Variants in PLAAT4 observed in about 807,000 individuals in gnomAD.
PLAAT4 encodes phospholipase A and acyltransferase 4.
PLAAT4 carries 12 observed loss-of-function variants against 14.1 expected under a neutral mutation model. That is an observed-to-expected ratio of 0.85 (90% CI 0.54 to 1.37). The LOEUF is 1.37. PLAAT4 is among the 40% of genes most tolerant of loss of function. The pLI is 0.00. For missense variants in PLAAT4, 163 were observed against 211.7 expected (o/e 0.77, Z 1.43); for synonymous variants, 77 against 79.8 (o/e 0.96, Z 0.19).
Position 63,545,011 on chromosome 11 carries a change from T to A in PLAAT4, c.387+122T>A, listed in dbSNP as rs969242570. ...CTCTTAGAGACCTGCTGGCTGAGAG[T>A]CAGGACCTCTGAGCTCCAATGCCAG... On this transcript the variant is annotated intron_variant, in intron 3 of 3. Coordinates refer to ENST00000255688, the MANE Select transcript of PLAAT4 (RefSeq NM_004585.5). 2.9e-6 allele frequency: 4 copies of A among 1,387,820 alleles called. No individual in the cohort carries two copies. In the African/African-American group the frequency reaches 5.7e-5, roughly 20 times the overall value. The allele number at this position is 1,387,820 out of a possible 1,614,324, so 86.0% of individuals were successfully genotyped here.
At chr11:63,544,179 C>T (rs1460604376) in intron 2 of PLAAT4, among the ~76,000 whole-genome samples, 3 of 152,042 alleles carry the variant, frequency 2.0e-5, no homozygotes, top group African/African-American at 7.3e-5. Flanking sequence ...AAAATTTTTC[C>T]AATACCTAAA....
Position 63,544,904 on chromosome 11 carries a change from G to T in PLAAT4, c.387+15G>T. The T allele has an allele frequency of 1.2e-6, 2 of 1,614,198 alleles. No homozygotes were observed. Among genetic ancestry groups the T allele is most frequent in the Non-Finnish European group, 1.7e-6 (2 of 1,180,036 alleles). ...GCTGTAAACAGGTAAGGACCTCTCTGGATAATCCATCTCCCTCTGCTTGGG... is the reference window on the plus strand; with the variant it reads ...GCTGTAAACAGGTAAGGACCTCTCTTGATAATCCATCTCCCTCTGCTTGGG... On this transcript the variant is annotated intron_variant, in intron 3 of 3. Transcript: ENST00000255688.
chr11:63,541,426 G>A (rs767469969), intron 2 of PLAAT4, among the ~76,000 whole-genome samples: 25 of 151,948 alleles, frequency 1.6e-4, no homozygotes, highest in Non-Finnish European at 2.8e-4. Flanking sequence ...TCCTGACCTC[G>A]TGATCCACCA....
At chr11:63,540,826 A>G (rs1263029547) in intron 2 of PLAAT4, among the ~76,000 whole-genome samples, 3 of 152,182 alleles carry the variant, frequency 2.0e-5, no homozygotes, top group Admixed American at 6.5e-5. Context: ...AGAGGAAGAC[A>G]TTGTCTCAAA....
chr11:63,537,995 G>A (rs966052769), intron 1 of PLAAT4, among the ~76,000 whole-genome samples: 6 of 152,206 alleles, frequency 3.9e-5, no homozygotes, highest in African/African-American at 1.2e-4. Flanking sequence ...GTGGGGTGGC[G>A]GGTCAGCTGA....
At chr11:63,541,715 A>T (rs1310532729) in intron 2 of PLAAT4, among the ~76,000 whole-genome samples, 1 of 151,990 alleles carries the variant, frequency 6.6e-6, no homozygotes, top group African/African-American at 2.4e-5. Flanking sequence ...AATTGATCTA[A>T]AACTGTTTCC....
At chr11:63,541,156 A>G (rs1421422966) in intron 2 of PLAAT4, among the ~76,000 whole-genome samples, 1 of 151,282 alleles carries the variant, frequency 6.6e-6, no homozygotes, top group Non-Finnish European at 1.5e-5. Flanking sequence ...ATGAAGACAC[A>G]TGGTCCTTTT....
intron 2 of PLAAT4, among the ~76,000 whole-genome samples, chr11:63,543,495 A>G (rs2017337782): frequency 6.6e-6 from 1 of 152,172 alleles, no homozygotes; most frequent in African/African-American, 2.4e-5. Context: ...TTGTAGAGAC[A>G]GGTCTCGCCA....
At chr11:63,546,092 G>A (rs2017362907) in intron 3 of PLAAT4, 57 bp from the exon 4 acceptor site, 1 of 1,437,562 alleles carries the variant, frequency 7.0e-7, no homozygotes, top group Non-Finnish European at 9.8e-7. Flanking sequence ...CCTTGGGAGG[G>A]AGAAAGTGCC....
At chr11:63,545,130 G>T in intron 3 of PLAAT4, 1 of 613,330 alleles carries the variant, frequency 1.6e-6, no homozygotes, top group Non-Finnish European at 2.9e-6. Flanking sequence ...GAGCTCTGAG[G>T]ATCCTTCCCC....
At chr11:63,543,594 T>C (rs934441546) in intron 2 of PLAAT4, among the ~76,000 whole-genome samples, 3 of 152,238 alleles carry the variant, frequency 2.0e-5, no homozygotes, top group Non-Finnish European at 2.9e-5. Flanking sequence ...CATGAGCCAC[T>C]GCGCCCAGCC....
chr11:63,539,570 G>A lies in PLAAT4; in HGVS notation c.64G>A (p.Glu22Lys), dbSNP rs376604632. The A allele has an allele frequency of 4.3e-6, 7 of 1,613,976 alleles. No homozygotes were observed. The African/African-American group carries it at 8.0e-5, about 18-fold the overall frequency. Residue 22 changes from glutamate to lysine, a missense_variant, in exon 2 of 4, where the codon GAG (glutamate) becomes AAG (lysine). Transcript: ENST00000255688. ...GATTGAGATTTTCCGCCTTGGCTATGAGCACTGGGCCCTGTATATAGGAGA... is the reference window on the plus strand; with the variant it reads ...GATTGAGATTTTCCGCCTTGGCTATAAGCACTGGGCCCTGTATATAGGAGA... ...DLIEIFRLGY[E>K]HWALYIGDGY...
At chr11:63,537,502 C>A (rs1049191711) in intron 1 of PLAAT4, among the ~76,000 whole-genome samples, 2 of 152,128 alleles carry the variant, frequency 1.3e-5, no homozygotes, top group South Asian at 4.2e-4. Flanking sequence ...GGGAAGGAGT[C>A]CTGCAAATTC....
At chr11:63,538,381 G>T (rs1240804444) in intron 1 of PLAAT4, 3 of 384,202 alleles carry the variant, frequency 7.8e-6, no homozygotes, top group South Asian at 5.6e-5. Flanking sequence ...GGTTGTGGGG[G>T]TCACAGAGGC....
chr11:63,546,423 G>T lies in PLAAT4; in HGVS notation c.*167G>T, dbSNP rs1042650201. On this transcript the variant is annotated 3_prime_UTR_variant, in exon 4 of 4. Transcript: ENST00000255688. The stretch of plus-strand genomic sequence containing the variant: ...CAAAAGTATGATCTAATTGAAACAA[G>T]ACTGAAGGATCAATAAACAGCCATC... The T allele has an allele frequency of 4.8e-6, 3 of 622,712 alleles. No homozygotes were observed. Among genetic ancestry groups the T allele is most frequent in the Non-Finnish European group, 8.5e-6 (3 of 354,000 alleles). 38.6% of individuals were successfully genotyped at this position (622,712 alleles called of 1,614,324 possible). A position where few individuals can be genotyped will look rare whatever the true frequency, so the allele number is the denominator to read the frequency against.
At chr11:63,539,457 C>A in intron 1 of PLAAT4, 59 bp from the exon 2 acceptor site, 1 of 1,402,054 alleles carries the variant, frequency 7.1e-7, no homozygotes, top group Non-Finnish European at 1.0e-6. Flanking sequence ...CTCCCCCAGC[C>A]AGGGTCTCTG....
At chr11:63,537,735 C>T (rs2017284266) in intron 1 of PLAAT4, among the ~76,000 whole-genome samples, 1 of 152,212 alleles carries the variant, frequency 6.6e-6, no homozygotes, top group South Asian at 2.1e-4. Context: ...GGTGCCCTGA[C>T]ATACAGAGGA....
At chr11:63,538,459 T>C in intron 1 of PLAAT4, 1 of 326,320 alleles carries the variant, frequency 3.1e-6, no homozygotes. Flanking sequence ...AGGAGAAGCT[T>C]CCGGAGTCCA....
chr11:63,538,713 G>A (rs2017293630), intron 1 of PLAAT4, among the ~76,000 whole-genome samples: 1 of 152,160 alleles, frequency 6.6e-6, no homozygotes, highest in Non-Finnish European at 1.5e-5. Context: ...CAGGAACCAG[G>A]GTGAGGGGTG....
Sources: gnomAD v4.1 joint callset for allele counts (sites outside exome capture counted in the v4.1 genomes callset) on GRCh38, gnomAD v4.1.1 for gene constraint, MANE v1.5 for transcripts, NCBI Gene and HGNC (gene_info 2026-07-23, HGNC 2026-07-21) for gene names.